The following CNTNAP5 variants were observed in gnomAD, a reference collection of about 807,000 sequenced individuals.
The protein encoded by CNTNAP5 is contactin-associated protein-like 5.
In CNTNAP5, 72 loss-of-function variants were observed where a neutral mutation model predicts 150.2. That is an observed-to-expected ratio of 0.48 (90% confidence interval 0.40 to 0.58). The LOEUF is 0.58. Ranked by LOEUF, CNTNAP5 falls within the 20% of genes least tolerant of loss-of-function variation. The pLI, the probability that CNTNAP5 is intolerant of heterozygous loss-of-function variation, is 0.00. For synonymous variants in CNTNAP5, 672 were observed against 619.8 expected (o/e 1.08, Z -1.25); for missense variants, 1,636 against 1,626.2 (o/e 1.01, Z -0.10).
chr2:124,483,729 C>T (rs1394145), intron 7 of CNTNAP5, among the ~76,000 whole-genome samples: 128,855 of 152,234 alleles, frequency 0.85, 54,725 homozygotes, highest in East Asian at 1. Context: ...CATTAAAATG[C>T]AGTTATTGAA....
chr2:124,336,812 G>A (rs1177798523), intron 3 of CNTNAP5, among the ~76,000 whole-genome samples: 2 of 151,978 alleles, frequency 1.3e-5, no homozygotes, highest in Non-Finnish European at 2.9e-5. Flanking sequence ...CTTTGCTATT[G>A]TGAATAGTGC....
chr2:124,484,913 A>T (rs953386351), intron 7 of CNTNAP5, among the ~76,000 whole-genome samples: 1 of 152,212 alleles, frequency 6.6e-6, no homozygotes, highest in African/African-American at 2.4e-5. Flanking sequence ...TATGTAAAAT[A>T]AAACTGTGTT....
chr2:124,404,872 A>G lies in CNTNAP5; in HGVS notation c.382-12571A>G, dbSNP rs1023077469. ...GTTCTTTAACTCCAGGGAAGGAAAGACAAACTCCTAAACTGTGTTTCCGTG... is the reference window on the plus strand; with the variant it reads ...GTTCTTTAACTCCAGGGAAGGAAAGGCAAACTCCTAAACTGTGTTTCCGTG... On this transcript the variant is annotated intron_variant, in intron 3 of 23. Coordinates refer to ENST00000682447, the MANE Select transcript of CNTNAP5 (RefSeq NM_001367498.1). Among the ~76,000 whole-genome samples, 10 of 152,202 alleles carry G rather than the reference A, an allele frequency of 6.6e-5. No individual in the cohort carries two copies. The South Asian group carries it at 2.1e-3, about 32-fold the overall frequency.
chr2:124,408,268 G>C (rs1691643315), intron 3 of CNTNAP5, among the ~76,000 whole-genome samples: 1 of 152,178 alleles, frequency 6.6e-6, no homozygotes, highest in Non-Finnish European at 1.5e-5. Context: ...TAGCACAGCA[G>C]TCTGAGATCA....
chr2:124,367,542 G>A (rs1690408645), intron 3 of CNTNAP5, among the ~76,000 whole-genome samples: 2 of 152,122 alleles, frequency 1.3e-5, no homozygotes, highest in Non-Finnish European at 2.9e-5. Flanking sequence ...AATTCAAGAT[G>A]AGATTTGGGT....
At chr2:124,180,091 G>T (rs750204221) in intron 1 of CNTNAP5, among the ~76,000 whole-genome samples, 9 of 151,972 alleles carry the variant, frequency 5.9e-5, no homozygotes, top group African/African-American at 2.2e-4. Context: ...TTGGCTTCTT[G>T]TCTCTTCTCC....
chr2:124,460,793 C>T (rs1235429136), intron 6 of CNTNAP5, among the ~76,000 whole-genome samples: 2 of 152,086 alleles, frequency 1.3e-5, no homozygotes, highest in Non-Finnish European at 2.9e-5. Flanking sequence ...AATAACAGAC[C>T]TGATTTGAAA....
Position 124,919,587 on chromosome 2 carries a change from C to T in CNTNAP5, c.*5299C>T, listed in dbSNP as rs1449770413. Among the ~76,000 whole-genome samples the T allele has an allele frequency of 6.6e-6, 1 of 151,986 alleles. No homozygotes were observed. The highest frequency in any genetic ancestry group is 1.9e-4 in the East Asian group (1 of 5,152). On this transcript the variant is annotated 3_prime_UTR_variant, in exon 24 of 24. Coordinates refer to ENST00000682447, the MANE Select transcript of CNTNAP5 (RefSeq NM_001367498.1). Reference sequence around the variant, plus strand: ...TTCCACCATGAATCAGTGGTGGCAGCCTTTCCACTTTCATGGCTCCTCACT... The same window carrying T: ...TTCCACCATGAATCAGTGGTGGCAGTCTTTCCACTTTCATGGCTCCTCACT...
chr2:124,264,236 A>C (rs183388666), intron 3 of CNTNAP5, among the ~76,000 whole-genome samples: 1 of 152,240 alleles, frequency 6.6e-6, no homozygotes, highest in East Asian at 1.9e-4. Flanking sequence ...TAACCTTGTA[A>C]ATGTTTGATA....
At chr2:124,170,921 A>G (rs1684916010) in intron 1 of CNTNAP5, among the ~76,000 whole-genome samples, 1 of 152,006 alleles carries the variant, frequency 6.6e-6, no homozygotes, top group African/African-American at 2.4e-5. Flanking sequence ...TGGCTTCCAT[A>G]TCTCTTACGT....
intron 6 of CNTNAP5, among the ~76,000 whole-genome samples, chr2:124,468,550 G>A (rs974956805): frequency 6.6e-6 from 1 of 151,998 alleles, no homozygotes; most frequent in African/African-American, 2.4e-5. Flanking sequence ...CTTCCTGAGG[G>A]TGAGTCCTCT....
At chr2:124,787,185 C>A (rs1382931349) in intron 17 of CNTNAP5, among the ~76,000 whole-genome samples, 2 of 152,138 alleles carry the variant, frequency 1.3e-5, no homozygotes, top group African/African-American at 4.8e-5. Flanking sequence ...ATGACACTAA[C>A]AAGATATATG....
chr2:124,664,944 C>A (rs1678667445), intron 13 of CNTNAP5, among the ~76,000 whole-genome samples: 1 of 152,188 alleles, frequency 6.6e-6, no homozygotes, highest in Non-Finnish European at 1.5e-5. Flanking sequence ...GCCTTGGCCT[C>A]CCAAAGTGCT....
At chr2:124,160,115 T>A (rs1271722689) in intron 1 of CNTNAP5, among the ~76,000 whole-genome samples, 1 of 152,128 alleles carries the variant, frequency 6.6e-6, no homozygotes, top group East Asian at 1.9e-4. Context: ...GTATCTGCAG[T>A]CACTAAGCTG....
intron 1 of CNTNAP5, among the ~76,000 whole-genome samples, chr2:124,184,775 A>G (rs1419814107): frequency 6.6e-6 from 1 of 152,184 alleles, no homozygotes. Context: ...ATATTCTGGA[A>G]CAAATAGGAG....
At chr2:124,028,096 T>A (rs959985981) in intron 1 of CNTNAP5, among the ~76,000 whole-genome samples, 2 of 152,144 alleles carry the variant, frequency 1.3e-5, no homozygotes, top group African/African-American at 4.8e-5. Context: ...TATTTGGAAA[T>A]TTTTTTACAA....
chr2:124,669,577 C>T (rs142927040), intron 13 of CNTNAP5, among the ~76,000 whole-genome samples: 2 of 152,336 alleles, frequency 1.3e-5, no homozygotes, highest in African/African-American at 4.8e-5. Context: ...TTTAGATCTC[C>T]AGCCAAGATT....
At chr2:124,783,663 AG>A (rs1458179006) in intron 17 of CNTNAP5, among the ~76,000 whole-genome samples, 1 of 152,124 alleles carries the variant, frequency 6.6e-6, no homozygotes, top group African/African-American at 2.4e-5. Context: ...CAGTTTCCTG[AG>A]GGGGTTTGGC....
chr2:124,250,860 A>T (rs1288179149), intron 3 of CNTNAP5, among the ~76,000 whole-genome samples: 1 of 151,944 alleles, frequency 6.6e-6, no homozygotes, highest in Non-Finnish European at 1.5e-5. Flanking sequence ...TTGCAATGGT[A>T]ACAATCAACA....
Sources: gnomAD v4.1 joint callset for allele counts (sites outside exome capture counted in the v4.1 genomes callset) on GRCh38, gnomAD v4.1.1 for gene constraint, MANE v1.5 for transcripts, NCBI Gene and HGNC (gene_info 2026-07-23, HGNC 2026-07-21) for gene names.